KPNA1: variants seen among roughly 807,000 people sequenced by gnomAD.
KPNA1 encodes the protein importin subunit alpha-5.
A neutral mutation model predicts 70.5 loss-of-function variants in KPNA1; 10 were observed. The observed-to-expected ratio is 0.14, with a 90% CI of 0.09 to 0.24. The LOEUF is 0.24. Among genes scored for constraint, KPNA1 ranks in the 10% least tolerant of loss-of-function variants. The pLI is 1.00. For synonymous variants in KPNA1, 192 were observed against 221.9 expected (o/e 0.87, Z 1.20); for missense variants, 397 against 637.9 (o/e 0.62, Z 4.07).
intron 12 of KPNA1, among the ~76,000 whole-genome samples, chr3:122,429,440 C>CT (rs1197669833): frequency 2.9e-4 from 27 of 92,062 alleles, no homozygotes; most frequent in African/African-American, 1.2e-3. Flanking sequence ...GAGCGAAACT[C>CT]TGTCTCAAAA....
At chr3:122,493,999 TA>T (rs1353624130) in intron 2 of KPNA1, among the ~76,000 whole-genome samples, 1 of 152,194 alleles carries the variant, frequency 6.6e-6, no homozygotes, top group East Asian at 1.9e-4. Context: ...GCCCACGTTT[TA>T]ATGGAGTTGT....
chr3:122,495,478 A>C (rs889018684), intron 2 of KPNA1, among the ~76,000 whole-genome samples: 1 of 152,114 alleles, frequency 6.6e-6, no homozygotes, highest in African/African-American at 2.4e-5. Flanking sequence ...GCCAATAATA[A>C]AGTGCTTGAT....
intron 1 of KPNA1, among the ~76,000 whole-genome samples, chr3:122,511,595 C>A (rs1399086340): frequency 6.6e-6 from 1 of 152,224 alleles, no homozygotes; most frequent in Admixed American, 6.5e-5. Context: ...CAGGCCCTAT[C>A]TGGCCCTCAG....
At position 122,439,627 on chromosome 3, in the gene KPNA1, T is replaced by G. The variant is rs552703445; in HGVS notation, c.997-2332A>C. 9.5e-4 allele frequency among the ~76,000 whole-genome samples: 144 copies of G among 152,320 alleles called. 1 individual carries two copies. The highest frequency in any genetic ancestry group is 1.5e-3 in the Non-Finnish European group (104 of 68,026). The stretch of plus-strand genomic sequence containing the variant: ...TTACAGGCACTAAAGCAGCTTATTA[T>G]TTCTAGAGGAAGATAATGCAAATAA... On this transcript the variant is annotated intron_variant, in intron 10 of 13. Transcript: ENST00000344337.
intron 6 of KPNA1, 148 bp downstream of exon 6, chr3:122,453,722 A>C: frequency 1.7e-6 from 1 of 597,436 alleles, no homozygotes; most frequent in Admixed American, 3.7e-5. Context: ...TTTTTAGTAG[A>C]GACGGGATTT....
chr3:122,426,898 G>C lies in KPNA1; in HGVS notation c.*87C>G. The C allele has an allele frequency of 1.9e-6, 2 of 1,047,796 alleles. No individual in the cohort carries two copies. Among genetic ancestry groups the C allele is most frequent in the South Asian group, 1.5e-5 (1 of 66,056 alleles). The allele number at this position is 1,047,796 out of a possible 1,614,324, so 64.9% of individuals were successfully genotyped here. On this transcript the variant is annotated 3_prime_UTR_variant, in exon 14 of 14. Coordinates refer to ENST00000344337, the MANE Select transcript of KPNA1 (RefSeq NM_002264.4). ...CAGTATTATGGAAAACATTTGAGAA[G>C]TTAGCTCCATGAGGACTGTGGGCTC...
In KPNA1 at chr3:122,442,338, T is replaced by C. The variant is rs547466705; in HGVS notation, c.918-222A>G. ...GTACATTTGGAAAAAACTACCAATC[T>C]TTCCTAGGAATCTTTCCCAGGTATT... On this transcript the variant is annotated intron_variant, in intron 9 of 13. Coordinates refer to ENST00000344337, the MANE Select transcript of KPNA1 (RefSeq NM_002264.4). 8.6e-4 allele frequency among the ~76,000 whole-genome samples: 131 copies of C among 152,292 alleles called. 1 individual carries two copies. The highest frequency in any genetic ancestry group is 1.3e-3 in the Admixed American group (20 of 15,294).
chr3:122,470,911 C>T (rs2076435068), intron 2 of KPNA1, among the ~76,000 whole-genome samples: 1 of 152,022 alleles, frequency 6.6e-6, no homozygotes. Context: ...ACTATCTTTG[C>T]AATTCCTTTG....
chr3:122,489,802 T>C (rs2076676692), intron 2 of KPNA1, among the ~76,000 whole-genome samples: 1 of 152,216 alleles, frequency 6.6e-6, no homozygotes, highest in African/African-American at 2.4e-5. Flanking sequence ...TATTTTCGTA[T>C]TCCTATAAAC....
At chr3:122,458,371 T>C (rs2076287096) in intron 5 of KPNA1, among the ~76,000 whole-genome samples, 1 of 152,192 alleles carries the variant, frequency 6.6e-6, no homozygotes, top group Non-Finnish European at 1.5e-5. Context: ...TCCAAAATCC[T>C]AGATTCCACC....
intron 3 of KPNA1, among the ~76,000 whole-genome samples, chr3:122,464,503 A>G (rs2076359443): frequency 6.6e-6 from 1 of 152,186 alleles, no homozygotes; most frequent in African/African-American, 2.4e-5. Context: ...CTTCCTTGTA[A>G]GCCCAAGACC....
chr3:122,475,515 G>T (rs984017080), intron 2 of KPNA1, among the ~76,000 whole-genome samples: 1 of 151,992 alleles, frequency 6.6e-6, no homozygotes, highest in African/African-American at 2.4e-5. Flanking sequence ...AATTCATATG[G>T]ACCTACAAAA....
At chr3:122,451,708 A>G in intron 7 of KPNA1, 75 bp from the exon 8 acceptor site, 1 of 944,214 alleles carries the variant, frequency 1.1e-6, no homozygotes, top group Non-Finnish European at 1.7e-6. Context: ...CTAAATAATA[A>G]TACTTTTGAT....
chr3:122,430,596 CTGTGTGTT>C (rs1179120211), intron 12 of KPNA1, among the ~76,000 whole-genome samples: 2 of 148,794 alleles, frequency 1.3e-5, no homozygotes, highest in Non-Finnish European at 3.0e-5. Context: ...CTCAGATAAA[CTGTGTGTT>C]TGTGTGTTTG....
intron 2 of KPNA1, among the ~76,000 whole-genome samples, chr3:122,495,495 A>C (rs2076748889): frequency 6.6e-6 from 1 of 152,110 alleles, no homozygotes; most frequent in Non-Finnish European, 1.5e-5. Flanking sequence ...TGATTCATAC[A>C]ACTCTAACAA....
intron 5 of KPNA1, chr3:122,460,446 G>A: frequency 3.0e-6 from 1 of 331,662 alleles, no homozygotes; most frequent in Non-Finnish European, 4.3e-6. Context: ...AGACCAGCCT[G>A]GCCAACATGG....
chr3:122,484,937 G>A (rs924024898), intron 2 of KPNA1, among the ~76,000 whole-genome samples: 1 of 152,102 alleles, frequency 6.6e-6, no homozygotes, highest in South Asian at 2.1e-4. Context: ...TCGCTTTGAC[G>A]CCCAGGCTGG....
intron 9 of KPNA1, chr3:122,443,287 AC>A (rs1308092431): frequency 6.6e-6 from 1 of 152,476 alleles, no homozygotes; most frequent in Non-Finnish European, 1.5e-5. Context: ...GAGTAGGTAA[AC>A]AAAGCAGCCA....
intron 3 of KPNA1, chr3:122,464,334 C>G: frequency 3.9e-6 from 1 of 254,582 alleles, no homozygotes; most frequent in Non-Finnish European, 7.3e-6. Context: ...GCTATTCTTT[C>G]TTATCAAAAT....
Sources: gnomAD v4.1 joint callset for allele counts (sites outside exome capture counted in the v4.1 genomes callset) on GRCh38, gnomAD v4.1.1 for gene constraint, MANE v1.5 for transcripts, NCBI Gene and HGNC (gene_info 2026-07-23, HGNC 2026-07-21) for gene names.